SLC43A2: variants seen among roughly 807,000 people sequenced by gnomAD.
The protein encoded by SLC43A2 is large neutral amino acids transporter small subunit 4.
Under a neutral mutation model 63.2 loss-of-function variants are expected in SLC43A2, and 38 were observed. That is an observed-to-expected ratio of 0.60 (90% CI 0.46 to 0.79). The LOEUF is 0.79. Ranked by LOEUF, SLC43A2 falls within the 30% of genes least tolerant of loss-of-function variation. The pLI is 0.00. For missense variants in SLC43A2, 644 were observed against 756.2 expected, an observed-to-expected ratio of 0.85 and a Z score of 1.74; for synonymous variants, 322 against 331.0, an observed-to-expected ratio of 0.97 and a Z score of 0.30.
chr17:1,615,003 C>G lies in SLC43A2; in HGVS notation c.400G>C (p.Ala134Pro), dbSNP rs1243433554. 5 of 1,613,848 alleles carry G rather than the reference C, an allele frequency of 3.1e-6. No individual in the cohort carries two copies. The highest frequency in any genetic ancestry group is 4.2e-6 in the Non-Finnish European group (5 of 1,179,988). ...ACFAVSCLLI[A>P]YGASKPNALS... Reference sequence around the variant, plus strand: ...CCGTTTGGTTTACTTGCTCCGTACGCAATCAGCAAGCAGGAAACCGCGAAG... The same window carrying G: ...CCGTTTGGTTTACTTGCTCCGTACGGAATCAGCAAGCAGGAAACCGCGAAG... Residue 134 changes from alanine (A) to proline (P), a missense_variant, in exon 4 of 14, where the codon GCG becomes CCG. This residue lies in a region of SLC43A2 where 528 missense variants were observed against 623.6 expected (regional missense o/e 0.85). Coordinates refer to ENST00000301335, the MANE Select transcript of SLC43A2 (RefSeq NM_152346.3).
At chr17:1,596,197 G>A (rs1905259731) in intron 5 of SLC43A2, among the ~76,000 whole-genome samples, 1 of 152,096 alleles carries the variant, frequency 6.6e-6, no homozygotes, top group African/African-American at 2.4e-5. Context: ...GTGGACGCCT[G>A]TAATCCCAGC....
intron 5 of SLC43A2, among the ~76,000 whole-genome samples, chr17:1,598,502 G>A (rs926518260): frequency 8.6e-5 from 13 of 152,036 alleles, no homozygotes; most frequent in Non-Finnish European, 1.8e-4. Flanking sequence ...TGGCTCCCTT[G>A]GTGCAGGGTC....
At position 1,627,908 on chromosome 17, in the gene SLC43A2, G is replaced by C. The variant is rs764951464; in HGVS notation, c.-34C>G. 6.6e-5 allele frequency: 100 copies of C among 1,521,494 alleles called. No individual in the cohort carries two copies. The African/African-American group carries it at 1.1e-3, about 17-fold the overall frequency. 94.2% of individuals were successfully genotyped at this position (1,521,494 alleles called of 1,614,324 possible). A position where few individuals can be genotyped will look rare whatever the true frequency, so the allele number is the denominator to read the frequency against. ...GCGGCGCGGCTCCGGCTCCGGCTCC[G>C]GCTCTGCACCACCTGCGCACAGAAC... On this transcript the variant is annotated 5_prime_UTR_variant, in exon 2 of 14. Transcript: ENST00000301335.
At chr17:1,576,286 G>A (rs909342403) in intron 13 of SLC43A2, among the ~76,000 whole-genome samples, 6 of 152,012 alleles carry the variant, frequency 3.9e-5, no homozygotes, top group Non-Finnish European at 5.9e-5. Flanking sequence ...GTTTCACCAT[G>A]TTGGCCAGGC....
chr17:1,575,756 C>A lies in SLC43A2; in HGVS notation c.1558G>T (p.Gly520Trp). ...CCCAGCAGGCTGAGAAGGAGCAGCC[C>A]CACGTTCACCTGGGGAGGCAGGGAG... ...LQGDPLWVNVGLLLLSLLGFC... is the reference protein window; with the variant it reads ...LQGDPLWVNVWLLLLSLLGFC... Residue 520 changes from glycine (G) to tryptophan (W), a missense_variant, in exon 14 of 14, where the codon GGG (glycine) becomes TGG (tryptophan). Physicochemically the swap from Gly to Trp is radical, Grantham distance 184. This residue lies in a region of SLC43A2 where 105 missense variants were observed against 101.7 expected (regional missense o/e 1.03). Transcript: ENST00000301335. 6.2e-7 allele frequency: 1 copy of A among 1,611,106 alleles called. No homozygotes were observed.
At position 1,625,596 on chromosome 17, in the gene SLC43A2, C is replaced by T. The variant is rs1048997358; in HGVS notation, c.160+2119G>A. Among the ~76,000 whole-genome samples, 12 of 152,290 alleles carry T rather than the reference C, an allele frequency of 7.9e-5. No homozygotes were observed. The South Asian group carries it at 8.3e-4, about 11-fold the overall frequency. ...CAGGCACTCCCAGACGAGCCAAATGCGGGGATTTCTGGCCTGAAAGAAAAC... is the reference window on the plus strand; with the variant it reads ...CAGGCACTCCCAGACGAGCCAAATGTGGGGATTTCTGGCCTGAAAGAAAAC... On this transcript the variant is annotated intron_variant, in intron 2 of 13. Coordinates refer to ENST00000301335, the MANE Select transcript of SLC43A2 (RefSeq NM_152346.3).
At chr17:1,617,545 C>T (rs537688204) in intron 2 of SLC43A2, among the ~76,000 whole-genome samples, 48 of 152,158 alleles carry the variant, frequency 3.2e-4, no homozygotes, top group African/African-American at 9.7e-4. Context: ...CACCTGCCAC[C>T]GCGCCCGGCT....
chr17:1,620,181 A>G (rs1421432956), intron 2 of SLC43A2, among the ~76,000 whole-genome samples: 2 of 152,196 alleles, frequency 1.3e-5, no homozygotes, highest in Non-Finnish European at 2.9e-5. Flanking sequence ...CCTGGCCAAC[A>G]TGGTGAAACC....
chr17:1,628,076 C>G (rs1908856861), intron 1 of SLC43A2, 156 bp from the exon 2 acceptor site: 1 of 727,794 alleles, frequency 1.4e-6, no homozygotes, highest in South Asian at 6.6e-5. Flanking sequence ...CAGCCCTGCC[C>G]GGACCTGGGA....
At chr17:1,581,179 T>G (rs2076006655) in intron 11 of SLC43A2, among the ~76,000 whole-genome samples, 1 of 116,934 alleles carries the variant, frequency 8.6e-6, no homozygotes, top group Non-Finnish European at 1.9e-5. Flanking sequence ...TTGGCAGTGT[T>G]GAAAGAGGGC....
Position 1,572,752 on chromosome 17 carries a change from C to T in SLC43A2, c.*2852G>A, listed in dbSNP as rs1486876448. The T allele has an allele frequency of 1.4e-4, 21 of 152,894 alleles. No individual in the cohort carries two copies. Among genetic ancestry groups the T allele is most frequent in the Non-Finnish European group, 2.8e-4 (19 of 68,524 alleles). 9.5% of individuals were successfully genotyped at this position (152,894 alleles called of 1,614,324 possible). A position where few individuals can be genotyped will look rare whatever the true frequency, so the allele number is the denominator to read the frequency against. On this transcript the variant is annotated 3_prime_UTR_variant, in exon 14 of 14. Transcript: ENST00000301335. Reference sequence around the variant, plus strand: ...GTTTCCCCCCCTCAATTCTGTTTCTCAATGCCTGCTTCTTCCCAGTAAGTG... The same window carrying T: ...GTTTCCCCCCCTCAATTCTGTTTCTTAATGCCTGCTTCTTCCCAGTAAGTG...
chr17:1,600,528 A>G (rs1470532537), intron 5 of SLC43A2, among the ~76,000 whole-genome samples: 2 of 146,306 alleles, frequency 1.4e-5, no homozygotes, highest in Non-Finnish European at 3.0e-5. Context: ...AAATCTCATA[A>G]GAGATTTTTT....
chr17:1,578,613 C>T lies in SLC43A2; in HGVS notation c.1351-290G>A, dbSNP rs2075967790. 3 of 354,580 alleles carry T rather than the reference C, an allele frequency of 8.5e-6. No individual in the cohort carries two copies. Among genetic ancestry groups the T allele is most frequent in the South Asian group, 5.4e-5 (1 of 18,470 alleles). 22.0% of individuals were successfully genotyped at this position (354,580 alleles called of 1,614,324 possible). On this transcript the variant is annotated intron_variant, in intron 11 of 13. Coordinates refer to ENST00000301335, the MANE Select transcript of SLC43A2 (RefSeq NM_152346.3). This position sits in a 1 kb window ranked among gnomAD's most constrained non-coding sequence, Gnocchi z 6.5. ...CGTGATCTTGGCTCACTGCAAGCTT[C>T]GCCTCCTGGATTCAAGCAATTCTCC...
intron 1 of SLC43A2, 112 bp from the exon 2 acceptor site, chr17:1,628,032 G>C: frequency 9.2e-7 from 1 of 1,086,148 alleles, no homozygotes; most frequent in East Asian, 3.7e-5. Flanking sequence ...CCCCGGCCGC[G>C]GCGGCCGGTG....
intron 3 of SLC43A2, chr17:1,616,339 C>T (rs1438543470): frequency 2.7e-5 from 15 of 555,736 alleles, no homozygotes; most frequent in Non-Finnish European, 3.8e-5. Context: ...GGTCCCTGGG[C>T]GGCCTGGAGC....
rs112315692 is a variant in SLC43A2 at position 1,572,715 on chromosome 17, T to C, written c.*2889A>G. On this transcript the variant is annotated 3_prime_UTR_variant, in exon 14 of 14. Coordinates refer to ENST00000301335, the MANE Select transcript of SLC43A2 (RefSeq NM_152346.3). ...TCAGGCCTCAATCCCCAAGCACTGT[T>C]GGCCCTGGACTGTTTCCCCCCCTCA... The C allele has an allele frequency of 0.09, 13,675 of 152,756 alleles. 691 individuals are homozygous for C. Among genetic ancestry groups the C allele is most frequent in the Non-Finnish European group, 0.13 (8,545 of 68,338 alleles). 9.5% of individuals were successfully genotyped at this position (152,756 alleles called of 1,614,324 possible).
chr17:1,625,599 G>A lies in SLC43A2; in HGVS notation c.160+2116C>T, dbSNP rs546162791. On this transcript the variant is annotated intron_variant, in intron 2 of 13. Coordinates refer to ENST00000301335, the MANE Select transcript of SLC43A2 (RefSeq NM_152346.3). ...GCACTCCCAGACGAGCCAAATGCGG[G>A]GATTTCTGGCCTGAAAGAAAACTGG... is the stretch of plus-strand genomic sequence containing the variant. Among the ~76,000 whole-genome samples, 4 of 152,258 alleles carry A rather than the reference G, an allele frequency of 2.6e-5. No individual in the cohort carries two copies. The South Asian group carries it at 6.2e-4, about 24-fold the overall frequency.
chr17:1,576,861 C>A, intron 12 of SLC43A2, 141 bp from the exon 13 acceptor site: 178 of 775,042 alleles, frequency 2.3e-4, no homozygotes, highest in Non-Finnish European at 2.9e-4. Context: ...CTGGGCAGTT[C>A]TGTTTTTTTT....
At chr17:1,621,555 A>G (rs1340762375) in intron 2 of SLC43A2, among the ~76,000 whole-genome samples, 3 of 152,256 alleles carry the variant, frequency 2.0e-5, no homozygotes, top group Admixed American at 6.5e-5. Context: ...GGGCACGGAC[A>G]GGCAGAGGCC....
Sources: gnomAD v4.1 joint callset for allele counts (sites outside exome capture counted in the v4.1 genomes callset) on GRCh38, gnomAD v4.1.1 for gene constraint, gnomAD v4.1.1 regional missense constraint, Gnocchi (gnomAD v3.1) non-coding constraint, MANE v1.5 for transcripts, NCBI Gene and HGNC (gene_info 2026-07-23, HGNC 2026-07-21) for gene names.